The following LHFPL3 variants were observed in gnomAD, a reference collection of about 807,000 sequenced individuals.
LHFPL3 encodes the protein LHFPL tetraspan subfamily member 3 protein.
LHFPL3 carries 5 observed loss-of-function variants against 19.3 expected under a neutral mutation model. The ratio of observed to expected loss-of-function variants is 0.26; its 90% CI spans 0.14 to 0.54. The LOEUF is 0.54. Ranked by LOEUF, LHFPL3 falls within the 20% of genes least tolerant of loss-of-function variation. The pLI, the probability that LHFPL3 is intolerant of heterozygous loss-of-function variation, is 0.94. For synonymous variants in LHFPL3, 133 were observed against 126.2 expected, an observed-to-expected ratio of 1.05 and a Z score of -0.36; for missense variants, 249 against 307.4, an observed-to-expected ratio of 0.81 and a Z score of 1.42.
intron 1 of LHFPL3, among the ~76,000 whole-genome samples, chr7:104,396,201 T>C (rs950769452): frequency 6.6e-6 from 1 of 152,166 alleles, no homozygotes; most frequent in African/African-American, 2.4e-5. Flanking sequence ...TCTAGATTCT[T>C]AGGAAAGAGA....
intron 2 of LHFPL3, among the ~76,000 whole-genome samples, chr7:104,817,414 T>C (rs1232187087): frequency 2.0e-5 from 3 of 152,158 alleles, no homozygotes; most frequent in South Asian, 2.1e-4. Flanking sequence ...CAGCAGGGTT[T>C]TCTTGTTCAT....
intron 2 of LHFPL3, among the ~76,000 whole-genome samples, chr7:104,800,597 C>A (rs775564917): frequency 1.3e-5 from 2 of 152,142 alleles, no homozygotes; most frequent in Non-Finnish European, 2.9e-5. Flanking sequence ...TACTTAGATA[C>A]CTCAAAGTCA....
intron 1 of LHFPL3, among the ~76,000 whole-genome samples, chr7:104,462,331 G>A (rs953764530): frequency 1.3e-5 from 2 of 152,136 alleles, no homozygotes; most frequent in Non-Finnish European, 2.9e-5. Flanking sequence ...AGTGCTTCCA[G>A]CTTTTCCCCA....
chr7:104,495,206 C>T (rs1266434591), intron 1 of LHFPL3, among the ~76,000 whole-genome samples: 3 of 152,086 alleles, frequency 2.0e-5, no homozygotes, highest in Non-Finnish European at 4.4e-5. Flanking sequence ...TGGGCTTTCA[C>T]AGAATCTTTT....
rs554561445 is a variant in LHFPL3 at position 104,867,241 on chromosome 7, G to A, written c.683-38946G>A. On this transcript the variant is annotated intron_variant, in intron 2 of 2. Coordinates refer to ENST00000424859, the MANE Select transcript of LHFPL3 (RefSeq NM_199000.3). The stretch of plus-strand genomic sequence containing the variant: ...TAACTAAGATCAGAGCAGAAGTCAA[G>A]GAGATAGAGACACAAAAATCCCTTC... 7.9e-5 allele frequency among the ~76,000 whole-genome samples: 12 copies of A among 152,284 alleles called. No individual in the cohort carries two copies. The East Asian group carries it at 2.3e-3, about 29-fold the overall frequency.
intron 1 of LHFPL3, among the ~76,000 whole-genome samples, chr7:104,500,473 T>C (rs184870745): frequency 2.6e-5 from 4 of 152,298 alleles, no homozygotes; most frequent in Admixed American, 2.6e-4. Context: ...AATAGACATA[T>C]CTACGAAACC....
rs779166898 is a variant in LHFPL3, at chr7:104,833,975, G to T, written c.683-72212G>T. The stretch of plus-strand genomic sequence containing the variant: ...TGTCTGCAAGCTTGAGGAGTAAGGA[G>T]ACCCAGTCTGAGTCTCAAAACTGAA... On this transcript the variant is annotated intron_variant, in intron 2 of 2. Coordinates refer to ENST00000424859, the MANE Select transcript of LHFPL3 (RefSeq NM_199000.3). Among the ~76,000 whole-genome samples, 122 of 145,460 alleles carry T rather than the reference G, an allele frequency of 8.4e-4. 1 individual carries two copies. The highest frequency in any genetic ancestry group is 4.0e-3 in the Admixed American group (58 of 14,482).
intron 1 of LHFPL3, among the ~76,000 whole-genome samples, chr7:104,483,180 T>C (rs1191897593): frequency 6.6e-6 from 1 of 152,246 alleles, no homozygotes. Context: ...AACTGATCGA[T>C]AAACAGGAAC....
chr7:104,901,628 T>A lies in LHFPL3; in HGVS notation c.683-4559T>A, dbSNP rs371157301. On this transcript the variant is annotated intron_variant, in intron 2 of 2. Coordinates refer to ENST00000424859, the MANE Select transcript of LHFPL3 (RefSeq NM_199000.3). ...TGTCATCCAGTCTGGAGTGCAGTGG[T>A]GCGTTCATGGCTCACTGCAGCCTCG... is the stretch of plus-strand genomic sequence containing the variant. Among the ~76,000 whole-genome samples the A allele has an allele frequency of 3.3e-5, 5 of 152,206 alleles. No homozygotes were observed. The East Asian group carries it at 9.7e-4, about 29-fold the overall frequency.
intron 1 of LHFPL3, among the ~76,000 whole-genome samples, chr7:104,671,951 A>G (rs771983207): frequency 3.3e-5 from 5 of 152,124 alleles, no homozygotes; most frequent in Admixed American, 6.6e-5. Context: ...CATTACTTCT[A>G]TAGATTATGA....
chr7:104,582,936 A>G (rs1790489399), intron 1 of LHFPL3, among the ~76,000 whole-genome samples: 1 of 152,034 alleles, frequency 6.6e-6, no homozygotes, highest in Non-Finnish European at 1.5e-5. Flanking sequence ...GAGACATTTC[A>G]GAAAGTATCT....
intron 2 of LHFPL3, among the ~76,000 whole-genome samples, chr7:104,843,996 C>G (rs1490008373): frequency 6.6e-6 from 1 of 152,172 alleles, no homozygotes; most frequent in Non-Finnish European, 1.5e-5. Context: ...TGCTGACCAA[C>G]CAGGGACTCA....
chr7:104,845,546 C>T (rs891050615), intron 2 of LHFPL3: 94 of 1,201,220 alleles, frequency 7.8e-5, no homozygotes, highest in Non-Finnish European at 7.7e-5. Context: ...GCACTTGAGC[C>T]GCATGAAACT....
chr7:104,563,345 G>C (rs1416386177), intron 1 of LHFPL3, among the ~76,000 whole-genome samples: 1 of 152,258 alleles, frequency 6.6e-6, no homozygotes, highest in Non-Finnish European at 1.5e-5. Context: ...CTCCGTGGGC[G>C]TAGGACCCTC....
At chr7:104,471,263 T>C (rs1365753120) in intron 1 of LHFPL3, among the ~76,000 whole-genome samples, 2 of 152,166 alleles carry the variant, frequency 1.3e-5, no homozygotes, top group South Asian at 2.1e-4. Flanking sequence ...CCCATGGAAT[T>C]TTCTTAATTT....
At chr7:104,421,123 A>G (rs1294570094) in intron 1 of LHFPL3, among the ~76,000 whole-genome samples, 6 of 152,218 alleles carry the variant, frequency 3.9e-5, no homozygotes, top group African/African-American at 1.4e-4. Context: ...AAGAGGAAAT[A>G]CATACTCAAT....
At chr7:104,667,857 C>T (rs1792386030) in intron 1 of LHFPL3, 1 of 1,611,932 alleles carries the variant, frequency 6.2e-7, no homozygotes, top group Non-Finnish European at 8.5e-7. Context: ...TGTTTCCAAA[C>T]CAGTCAGCTG....
chr7:104,345,827 A>G (rs1790053761), intron 1 of LHFPL3, among the ~76,000 whole-genome samples: 1 of 152,098 alleles, frequency 6.6e-6, no homozygotes, highest in South Asian at 2.1e-4. Context: ...AGCAATTGCT[A>G]TTGTACTAGT....
chr7:104,778,455 G>A (rs563764518), intron 2 of LHFPL3, among the ~76,000 whole-genome samples: 4 of 152,280 alleles, frequency 2.6e-5, no homozygotes, highest in South Asian at 4.1e-4. Flanking sequence ...CCCAAGAGGC[G>A]TCCTGAGCTC....
Sources: gnomAD v4.1 joint callset for allele counts (sites outside exome capture counted in the v4.1 genomes callset) on GRCh38, gnomAD v4.1.1 for gene constraint, MANE v1.5 for transcripts, NCBI Gene and HGNC (gene_info 2026-07-23, HGNC 2026-07-21) for gene names.